CCND3: variants seen among roughly 807,000 people sequenced by gnomAD.
CCND3 encodes the protein cyclin D3.
A neutral mutation model predicts 28.7 loss-of-function variants in CCND3; 9 were observed. That is an observed-to-expected ratio of 0.31 (90% CI 0.19 to 0.55). The LOEUF (loss-of-function observed/expected upper bound fraction) is 0.55, where lower values mean the gene tolerates loss of function less well. Among genes scored for constraint, CCND3 ranks in the 20% least tolerant of loss-of-function variants. CCND3 has a pLI of 0.93. For missense variants in CCND3, 315 were observed against 385.8 expected, an observed-to-expected ratio of 0.82 and a Z score of 1.54; for synonymous variants, 164 against 163.9, an observed-to-expected ratio of 1.00 and a Z score of 0.00.
rs1437053478 is a variant in CCND3, at chr6:41,935,719, T to C, written c.*221A>G. ...GTTGGGAAAGGCGCTGCTGGTCAGA[T>C]GCAGGGAGGAGGAGCTTGACTAGCC... On this transcript the variant is annotated 3_prime_UTR_variant, in exon 5 of 5. Coordinates refer to ENST00000372991, the MANE Select transcript of CCND3 (RefSeq NM_001760.5). 58 of 561,856 alleles carry C rather than the reference T, an allele frequency of 1.0e-4. No homozygotes were observed. The South Asian group carries it at 1.4e-3, about 13-fold the overall frequency. 34.8% of individuals were successfully genotyped at this position (561,856 alleles called of 1,614,324 possible). A position where few individuals can be genotyped will look rare whatever the true frequency, so the allele number is the denominator to read the frequency against.
chr6:41,959,836 G>A (rs1228420378), intron 1 of CCND3, among the ~76,000 whole-genome samples: 1 of 151,070 alleles, frequency 6.6e-6, no homozygotes, highest in Non-Finnish European at 1.5e-5. Flanking sequence ...CGTGCCTGTA[G>A]TCCCAGCTGC....
At chr6:42,036,377 C>CTATATATATATATATATATA (rs1162806893) in intron 1 of CCND3, among the ~76,000 whole-genome samples, 4 of 59,574 alleles carry the variant, frequency 6.7e-5, no homozygotes, top group African/African-American at 2.8e-4. Flanking sequence ...TGCATATATA[C>CTATATATATATATATATATA]TATATATATA....
At position 41,937,290 on chromosome 6, in the gene CCND3, G is replaced by A. The variant is rs1233485515; in HGVS notation, c.519C>T (p.Asp173=). 6.2e-7 allele frequency: 1 copy of A among 1,614,102 alleles called. No individual in the cohort carries two copies. The change falls in exon 3 of 5, where the codon GAC becomes GAT. Residue 173 remains aspartate (D), a synonymous_variant. Transcript: ENST00000372991. ...CATGCTTTTTGACCAAGGCCTGTCGGTCACGGGGCAGAGAGAGCCGGTGCA... is the reference window on the plus strand; with the variant it reads ...CATGCTTTTTGACCAAGGCCTGTCGATCACGGGGCAGAGAGAGCCGGTGCA... ...FILHRLSLPR[D]RQALVKKHAQ...
At chr6:41,960,880 T>C (rs552700248) in intron 1 of CCND3, among the ~76,000 whole-genome samples, 1 of 152,270 alleles carries the variant, frequency 6.6e-6, no homozygotes, top group East Asian at 1.9e-4. Flanking sequence ...AGTCATTCAA[T>C]CCCCTTGCTA....
At chr6:42,007,629 T>C (rs781562377) in intron 1 of CCND3, among the ~76,000 whole-genome samples, 1 of 152,134 alleles carries the variant, frequency 6.6e-6, no homozygotes, top group African/African-American at 2.4e-5. Context: ...GCTGTGTCCA[T>C]ACATAGGCGG....
At chr6:42,013,693 A>G (rs1482927955) in intron 1 of CCND3, among the ~76,000 whole-genome samples, 1 of 152,196 alleles carries the variant, frequency 6.6e-6, no homozygotes, top group Non-Finnish European at 1.5e-5. Flanking sequence ...TTAAATTTTC[A>G]TCATTAGTTC....
intron 1 of CCND3, among the ~76,000 whole-genome samples, chr6:41,973,841 T>C (rs1762097514): frequency 6.6e-6 from 1 of 152,234 alleles, no homozygotes; most frequent in Non-Finnish European, 1.5e-5. Context: ...ACACAGGGTT[T>C]TCTCCTGGGT....
At chr6:42,014,241 C>A (rs1383863436) in intron 1 of CCND3, among the ~76,000 whole-genome samples, 1 of 151,798 alleles carries the variant, frequency 6.6e-6, no homozygotes, top group East Asian at 1.9e-4. Flanking sequence ...GTGGTGGGCG[C>A]CTGTAGTCCC....
chr6:41,965,232 G>A (rs1272103627), intron 1 of CCND3, among the ~76,000 whole-genome samples: 1 of 151,904 alleles, frequency 6.6e-6, no homozygotes, highest in East Asian at 1.9e-4. Context: ...ATCACGCCTG[G>A]CTAATTTTTG....
intron 3 of CCND3, 117 bp downstream of exon 3, chr6:41,937,118 G>C: frequency 1.8e-6 from 2 of 1,112,918 alleles, no homozygotes; most frequent in South Asian, 2.6e-5. Flanking sequence ...GGGCTCAGAG[G>C]GGGTATAATT....
chr6:41,997,948 C>T (rs1167792678), intron 1 of CCND3, among the ~76,000 whole-genome samples: 1 of 150,198 alleles, frequency 6.7e-6, no homozygotes, highest in Non-Finnish European at 1.5e-5. Context: ...TCAAGATCAG[C>T]TGGCCAACAT....
chr6:41,988,210 G>A (rs1762543352), intron 1 of CCND3, among the ~76,000 whole-genome samples: 1 of 152,028 alleles, frequency 6.6e-6, no homozygotes. Context: ...GGAGGCTGAG[G>A]CAGGATAATT....
At chr6:42,006,510 C>T (rs1279203325) in intron 1 of CCND3, among the ~76,000 whole-genome samples, 1 of 151,452 alleles carries the variant, frequency 6.6e-6, no homozygotes, top group Non-Finnish European at 1.5e-5. Flanking sequence ...AAACACAAAA[C>T]AAAGGAAAAT....
intron 1 of CCND3, among the ~76,000 whole-genome samples, chr6:42,043,650 A>G (rs1764438412): frequency 6.6e-6 from 1 of 152,138 alleles, no homozygotes; most frequent in African/African-American, 2.4e-5. Context: ...GTGAGCCGAG[A>G]TCACGCCACT....
intron 1 of CCND3, among the ~76,000 whole-genome samples, chr6:41,972,235 A>AT: frequency 2.8e-5 from 1 of 35,240 alleles, no homozygotes; most frequent in Non-Finnish European, 6.0e-5. Context: ...CTCAAAAAAA[A>AT]AAAAAAAAAG....
chr6:42,026,649 T>C (rs1040646874), intron 1 of CCND3, among the ~76,000 whole-genome samples: 1 of 152,112 alleles, frequency 6.6e-6, no homozygotes, highest in African/African-American at 2.4e-5. Context: ...TCCCTTCTTG[T>C]ACCTTTGGTA....
chr6:42,047,667 G>C (rs1473839898), intron 1 of CCND3, among the ~76,000 whole-genome samples: 1 of 152,154 alleles, frequency 6.6e-6, no homozygotes, highest in Non-Finnish European at 1.5e-5. Flanking sequence ...TCATTCCCTT[G>C]ATGGTTAGAC....
intron 1 of CCND3, among the ~76,000 whole-genome samples, chr6:42,017,872 C>T (rs991848592): frequency 6.6e-6 from 1 of 152,060 alleles, no homozygotes; most frequent in Non-Finnish European, 1.5e-5. Flanking sequence ...AAAATGTGGC[C>T]GGGTGTGGTG....
intron 1 of CCND3, among the ~76,000 whole-genome samples, chr6:42,010,243 A>G (rs1763300704): frequency 6.6e-6 from 1 of 152,094 alleles, no homozygotes; most frequent in South Asian, 2.1e-4. Context: ...CCATCTCTTC[A>G]CACGCCCCCC....
Sources: allele counts gnomAD v4.1 joint callset (sites outside exome capture counted in the v4.1 genomes callset), GRCh38; gene constraint gnomAD v4.1.1; transcripts MANE v1.5; gene names NCBI Gene and HGNC (gene_info 2026-07-23, HGNC 2026-07-21).